Variants in ASIC2 observed in about 807,000 individuals in gnomAD.
ASIC2 encodes the protein acid sensing ion channel subunit 2.
Under a neutral mutation model 57.3 loss-of-function variants are expected in ASIC2, and 25 were observed. The observed-to-expected ratio is 0.44, with a 90% CI of 0.32 to 0.61. The LOEUF is 0.61. Among genes scored for constraint, ASIC2 ranks in the 20% least tolerant of loss-of-function variants. The pLI, the probability that ASIC2 is intolerant of heterozygous loss-of-function variation, is 0.06. For synonymous variants in ASIC2, 319 were observed against 307.5 expected (o/e 1.04, Z -0.39); for missense variants, 641 against 738.1 (o/e 0.87, Z 1.52).
intron 1 of ASIC2, among the ~76,000 whole-genome samples, chr17:33,493,568 C>T (rs773523181): frequency 6.6e-6 from 1 of 152,188 alleles, no homozygotes; most frequent in Non-Finnish European, 1.5e-5. Context: ...TCAAGGTTCT[C>T]TTACTGGCTG....
At chr17:33,082,266 C>G (rs1391370524) in intron 3 of ASIC2, among the ~76,000 whole-genome samples, 1 of 151,922 alleles carries the variant, frequency 6.6e-6, no homozygotes, top group East Asian at 1.9e-4. Flanking sequence ...AGATTCATTC[C>G]CAGGACCACC....
intron 1 of ASIC2, among the ~76,000 whole-genome samples, chr17:33,283,583 C>T (rs1905043133): frequency 6.6e-6 from 1 of 152,164 alleles, no homozygotes; most frequent in Non-Finnish European, 1.5e-5. Flanking sequence ...AGAACATCTT[C>T]CAGGGCAGGT....
At chr17:33,285,905 T>C (rs901024208) in intron 1 of ASIC2, among the ~76,000 whole-genome samples, 9 of 152,230 alleles carry the variant, frequency 5.9e-5, no homozygotes, top group African/African-American at 2.2e-4. Flanking sequence ...TTTGCCTTTG[T>C]CCTTCACTCA....
At chr17:33,543,300 A>AC (rs59776865) in intron 1 of ASIC2, among the ~76,000 whole-genome samples, 1 of 146,996 alleles carries the variant, frequency 6.8e-6, no homozygotes, top group Non-Finnish European at 1.5e-5. Context: ...ACAAAACAAA[A>AC]ACAAAAAAAA....
intron 1 of ASIC2, among the ~76,000 whole-genome samples, chr17:33,679,913 A>G (rs1907947958): frequency 6.6e-6 from 1 of 152,188 alleles, no homozygotes; most frequent in African/African-American, 2.4e-5. Context: ...GTCTCTAGAA[A>G]ACAGACTGGG....
intron 1 of ASIC2, among the ~76,000 whole-genome samples, chr17:33,751,360 G>A (rs916171260): frequency 2.6e-5 from 4 of 151,710 alleles, no homozygotes; most frequent in African/African-American, 9.7e-5. Flanking sequence ...GAAAAACAAA[G>A]TATTTTGGTT....
At chr17:33,495,966 G>A (rs896263113) in intron 1 of ASIC2, among the ~76,000 whole-genome samples, 3 of 152,210 alleles carry the variant, frequency 2.0e-5, no homozygotes, top group Non-Finnish European at 2.9e-5. Flanking sequence ...AAGACTCAGA[G>A]AAGGGAAGGA....
chr17:34,127,231 T>C (rs2142124291), intron 1 of ASIC2, among the ~76,000 whole-genome samples: 1 of 152,336 alleles, frequency 6.6e-6, no homozygotes, highest in East Asian at 1.9e-4. Context: ...CTTTTCAAAC[T>C]AGAAATGAGG....
At chr17:33,155,563 T>TC (rs1491558838) in intron 1 of ASIC2, among the ~76,000 whole-genome samples, 6 of 121,612 alleles carry the variant, frequency 4.9e-5, no homozygotes, top group African/African-American at 2.0e-4. Flanking sequence ...TTTCTTTCTT[T>TC]CTTTTTTTTT....
At chr17:33,425,368 C>T (rs17249326) in intron 1 of ASIC2, among the ~76,000 whole-genome samples, 23,891 of 152,168 alleles carry the variant, frequency 0.16, 2,006 homozygotes, top group East Asian at 0.24. Flanking sequence ...ATCTTTCTAT[C>T]GTGGCATATA....
intron 1 of ASIC2, among the ~76,000 whole-genome samples, chr17:34,093,275 C>A (rs1248583713): frequency 1.3e-5 from 2 of 152,176 alleles, no homozygotes. Context: ...ACCCAAGCCA[C>A]TCTGTTTGGG....
At chr17:34,057,355 A>C (rs1173566932) in intron 1 of ASIC2, among the ~76,000 whole-genome samples, 1 of 152,220 alleles carries the variant, frequency 6.6e-6, no homozygotes, top group Non-Finnish European at 1.5e-5. Context: ...CTAAACAGAG[A>C]AGCCAGCATG....
chr17:33,098,026 G>C (rs2092190777), intron 2 of ASIC2, among the ~76,000 whole-genome samples: 1 of 152,136 alleles, frequency 6.6e-6, no homozygotes, highest in African/African-American at 2.4e-5. Flanking sequence ...TTGACTCTTA[G>C]TCCCACTACC....
intron 1 of ASIC2, chr17:34,142,800 T>A (rs1435808693): frequency 6.6e-6 from 1 of 152,146 alleles, no homozygotes; most frequent in Admixed American, 6.5e-5. Flanking sequence ...TAGAGTGAGA[T>A]TTAAAATGGA....
chr17:33,170,824 C>T (rs1362668882), intron 1 of ASIC2, among the ~76,000 whole-genome samples: 1 of 152,230 alleles, frequency 6.6e-6, no homozygotes. Flanking sequence ...AATATTCACT[C>T]TACTTTTGCT....
chr17:34,096,584 G>T (rs749223213), intron 1 of ASIC2, among the ~76,000 whole-genome samples: 6 of 152,124 alleles, frequency 3.9e-5, no homozygotes, highest in Non-Finnish European at 1.5e-5. Context: ...AGGATTGGCC[G>T]GGCATGGTGG....
intron 1 of ASIC2, among the ~76,000 whole-genome samples, chr17:33,502,509 T>G (rs1356828988): frequency 6.6e-6 from 1 of 152,142 alleles, no homozygotes. Context: ...GCTTCCAAAC[T>G]CCAGGGAAAG....
chr17:33,836,558 A>C (rs908028734), intron 1 of ASIC2, among the ~76,000 whole-genome samples: 3 of 152,128 alleles, frequency 2.0e-5, no homozygotes. Flanking sequence ...GGCTTGCTGA[A>C]GTTAAGCAGG....
chr17:33,579,019 C>T (rs528393571), intron 1 of ASIC2, among the ~76,000 whole-genome samples: 6 of 152,242 alleles, frequency 3.9e-5, no homozygotes, highest in African/African-American at 1.2e-4. Flanking sequence ...GGTGCGCTGT[C>T]TCACTCCTGT....
Sources: allele counts gnomAD v4.1 joint callset (sites outside exome capture counted in the v4.1 genomes callset), GRCh38; gene constraint gnomAD v4.1.1; transcripts MANE v1.5; gene names NCBI Gene and HGNC (gene_info 2026-07-23, HGNC 2026-07-21).